The following MAEA variants were observed in gnomAD, a reference collection of about 807,000 sequenced individuals.
MAEA encodes the protein E3 ubiquitin-protein transferase MAEA.
MAEA carries 22 observed loss-of-function variants against 46.2 expected under a neutral mutation model. The ratio of observed to expected loss-of-function variants is 0.48; its 90% CI spans 0.34 to 0.68. The LOEUF (loss-of-function observed/expected upper bound fraction) is 0.68, where lower values mean the gene tolerates loss of function less well. MAEA is among the 30% of genes least tolerant of loss of function. MAEA has a pLI of 0.01. For synonymous variants in MAEA, 246 were observed against 222.6 expected, an observed-to-expected ratio of 1.11 and a Z score of -0.94; for missense variants, 393 against 558.1, an observed-to-expected ratio of 0.70 and a Z score of 2.98.
chr4:1,290,139 C>T (rs1284049960), intron 1 of MAEA, among the ~76,000 whole-genome samples, 157 bp downstream of exon 1: 1 of 151,650 alleles, frequency 6.6e-6, no homozygotes, highest in Non-Finnish European at 1.5e-5. Context: ...GCGCCCGGTC[C>T]GCGCCGGGCA....
intron 3 of MAEA, among the ~76,000 whole-genome samples, chr4:1,319,133 G>A (rs898081665): frequency 3.9e-5 from 6 of 152,176 alleles, no homozygotes; most frequent in African/African-American, 9.7e-5. Context: ...GAGCGGATCT[G>A]TTGAGCCCAG....
At chr4:1,312,328 C>T in intron 2 of MAEA, 167 bp downstream of exon 2, 2 of 701,354 alleles carry the variant, frequency 2.9e-6, no homozygotes, top group Non-Finnish European at 2.4e-6. Flanking sequence ...GCTGAGCAGG[C>T]CAGCTTCCTG....
intron 2 of MAEA, chr4:1,312,422 GATT>G: frequency 8.9e-6 from 2 of 225,102 alleles, no homozygotes; most frequent in Non-Finnish European, 1.4e-5. Context: ...CAGGTTGATT[GATT>G]TTTTTTTTTT....
intron 3 of MAEA, among the ~76,000 whole-genome samples, chr4:1,321,308 A>G (rs749932678): frequency 3.3e-5 from 5 of 152,164 alleles, no homozygotes; most frequent in Non-Finnish European, 7.3e-5. Context: ...TAAAAAAGAT[A>G]TCATCAAAGC....
At position 1,332,818 on chromosome 4, in the gene MAEA, A is replaced by G; in HGVS notation, c.718A>G (p.Met240Val). 2 of 1,613,356 alleles carry G rather than the reference A, an allele frequency of 1.2e-6. No homozygotes were observed. The highest frequency in any genetic ancestry group is 2.2e-5 in the East Asian group (1 of 44,850). The change falls in exon 6 of 9, where the codon ATG (methionine) becomes GTG (valine). Residue 240 changes from methionine to valine, a missense_variant. By Grantham distance (21) the Met-to-Val change is conservative. This residue lies in a region of MAEA where 358 missense variants were observed against 537.9 expected (regional missense o/e 0.67). Coordinates refer to ENST00000303400, the MANE Select transcript of MAEA (RefSeq NM_001017405.3). ...GSQLDEVRQA[M>V]GMLAFPPDTH... ...CCAGCTGGACGAGGTGCGCCAGGCC[A>G]TGGGCATGCTGGCCTTCCCGCCCGA...
At chr4:1,309,458 G>C (rs761194485) in intron 1 of MAEA, 2 of 1,316,290 alleles carry the variant, frequency 1.5e-6, no homozygotes, top group Admixed American at 3.3e-5. Flanking sequence ...GGCTCCTCTG[G>C]GGGGCGTGGA....
At chr4:1,313,742 C>T (rs76935053) in intron 2 of MAEA, among the ~76,000 whole-genome samples, 3,276 of 151,792 alleles carry the variant, frequency 0.022, 127 homozygotes, top group African/African-American at 0.075. Flanking sequence ...GTTTGAAAGT[C>T]TCTGCAGGGA....
At chr4:1,325,252 T>C (rs990880382) in intron 4 of MAEA, among the ~76,000 whole-genome samples, 4 of 152,094 alleles carry the variant, frequency 2.6e-5, no homozygotes, top group Admixed American at 2.0e-4. Flanking sequence ...TTCACAGGCA[T>C]GGGTGGGTGA....
At chr4:1,314,084 T>C (rs1260073581) in intron 2 of MAEA, among the ~76,000 whole-genome samples, 1 of 152,150 alleles carries the variant, frequency 6.6e-6, no homozygotes, top group Non-Finnish European at 1.5e-5. Context: ...TCCCAGCACT[T>C]TGGGAGGCCA....
At chr4:1,315,651 T>C in intron 3 of MAEA, 51 bp downstream of exon 3, 2 of 1,581,712 alleles carry the variant, frequency 1.3e-6, no homozygotes, top group South Asian at 2.2e-5. Flanking sequence ...CCCAGGCCTA[T>C]GGCCAGCCGC....
In MAEA at chr4:1,311,739, G is replaced by A. The variant is rs141885354; in HGVS notation, c.70-240G>A. Among the ~76,000 whole-genome samples, 301 of 152,300 alleles carry A rather than the reference G, an allele frequency of 2.0e-3. 2 individuals carry two copies. The highest frequency in any genetic ancestry group is 7.1e-3 in the African/African-American group (293 of 41,558). ...TTGGGATTATTTTGTCAACATACACGTACAATGTTTTTGGCAAAAATTGGG... is the reference window on the plus strand; with the variant it reads ...TTGGGATTATTTTGTCAACATACACATACAATGTTTTTGGCAAAAATTGGG... On this transcript the variant is annotated intron_variant, in intron 1 of 8. Transcript: ENST00000303400. This position sits in a 1 kb window ranked among gnomAD's most constrained non-coding sequence, Gnocchi z 4.4.
intron 1 of MAEA, among the ~76,000 whole-genome samples, chr4:1,298,852 G>A (rs567689643): frequency 6.6e-6 from 1 of 151,944 alleles, no homozygotes; most frequent in Admixed American, 6.6e-5. Context: ...CACTTGGCAA[G>A]GCACTTTGGC....
At chr4:1,318,765 A>G (rs1437619834) in intron 3 of MAEA, among the ~76,000 whole-genome samples, 1 of 152,182 alleles carries the variant, frequency 6.6e-6, no homozygotes, top group Non-Finnish European at 1.5e-5. Context: ...AGGGGGCGCC[A>G]TGGAATTCCC....
chr4:1,318,116 C>T (rs961363398), intron 3 of MAEA, among the ~76,000 whole-genome samples: 16 of 152,198 alleles, frequency 1.1e-4, no homozygotes, highest in African/African-American at 3.6e-4. Flanking sequence ...GCCCGGCTTC[C>T]CCCAATGCAC....
chr4:1,309,305 T>G (rs939695479), intron 1 of MAEA: 32 of 494,850 alleles, frequency 6.5e-5, no homozygotes, highest in African/African-American at 6.2e-4. Flanking sequence ...TTCCACTCAC[T>G]CGGTCACCAA....
intron 7 of MAEA, chr4:1,338,199 C>T (rs73793375): frequency 0.044 from 22,035 of 499,394 alleles, 1,231 homozygotes; most frequent in East Asian, 0.18. Flanking sequence ...TGCTGGAGGC[C>T]GGGGTGAGAA....
intron 4 of MAEA, among the ~76,000 whole-genome samples, chr4:1,322,852 C>T (rs1457056971): frequency 3.3e-5 from 5 of 150,136 alleles, no homozygotes; most frequent in Non-Finnish European, 5.9e-5. Flanking sequence ...TCCCTGTGCT[C>T]AGTCATAGAC....
At position 1,322,494 on chromosome 4, in the gene MAEA, G is replaced by C; in HGVS notation, c.570G>C (p.Arg190=). The C allele has an allele frequency of 6.2e-7, 1 of 1,613,772 alleles. No homozygotes were observed. Among genetic ancestry groups the C allele is most frequent in the South Asian group, 1.1e-5 (1 of 91,078 alleles). ...AWCHDNKSRL[R]KMKSCLEFSL... is the part of the protein sequence containing the mutation. ...GCCATGACAACAAGTCCCGGCTCCG[G>C]AAGATGAAGGTGCACGGACTCCCAG... The change falls in exon 4 of 9, where the codon CGG becomes CGC. Residue 190 remains arginine, a synonymous_variant. Coordinates refer to ENST00000303400, the MANE Select transcript of MAEA (RefSeq NM_001017405.3).
At position 1,315,428 on chromosome 4, in the gene MAEA, G is replaced by A; in HGVS notation, c.284G>A (p.Ser95Asn). The A allele has an allele frequency of 6.2e-7, 1 of 1,613,912 alleles. No homozygotes were observed. Among genetic ancestry groups the A allele is most frequent in the Non-Finnish European group, 8.5e-7 (1 of 1,180,014 alleles). ...GAATCCATCCAGGCCGAGGACGAGA[G>A]CGCCAAGCTGTGCAAGCGCCGGATC... ...AVESIQAEDE[S>N]AKLCKRRIEH... The change falls in exon 3 of 9, where the codon AGC (serine) becomes AAC (asparagine). Residue 95 changes from serine (S) to asparagine (N), a missense_variant. Coordinates refer to ENST00000303400, the MANE Select transcript of MAEA (RefSeq NM_001017405.3).
Sources: allele counts gnomAD v4.1 joint callset (sites outside exome capture counted in the v4.1 genomes callset), GRCh38; gene constraint gnomAD v4.1.1; regional missense constraint gnomAD v4.1.1; non-coding constraint Gnocchi (gnomAD v3.1); transcripts MANE v1.5; gene names NCBI Gene and HGNC (gene_info 2026-07-23, HGNC 2026-07-21).